Variants in CDH4 observed in about 807,000 individuals in gnomAD.
CDH4 encodes cadherin 4, also known as cadherin-4.
In CDH4, 33 loss-of-function variants were observed where a neutral mutation model predicts 86.0. That is an observed-to-expected ratio of 0.38 (90% confidence interval 0.29 to 0.51). CDH4 has a LOEUF of 0.51. CDH4 is among the 20% of genes least tolerant of loss of function. The pLI is 0.86. For missense variants in CDH4, 1,114 were observed against 1,307.4 expected (o/e 0.85, Z 2.28); for synonymous variants, 555 against 549.4 (o/e 1.01, Z -0.14).
intron 2 of CDH4, among the ~76,000 whole-genome samples, chr20:61,667,713 G>A (rs1203005583): frequency 2.0e-5 from 3 of 152,176 alleles, no homozygotes; most frequent in Non-Finnish European, 4.4e-5. Context: ...AAGGGGTCGG[G>A]CTGGACTCGG....
chr20:61,707,045 G>T (rs868885), intron 2 of CDH4, among the ~76,000 whole-genome samples: 2 of 152,172 alleles, frequency 1.3e-5, no homozygotes, highest in Non-Finnish European at 1.5e-5. Context: ...CTTCCGTGGC[G>T]GTACTCTCTC....
Position 61,504,021 on chromosome 20 carries a change from C to T in CDH4, c.170-239542C>T, listed in dbSNP as rs570984087. Among the ~76,000 whole-genome samples the T allele has an allele frequency of 7.9e-5, 12 of 152,354 alleles. 1 individual carries two copies. In the South Asian group the frequency reaches 2.3e-3, roughly 29 times the overall value. On this transcript the variant is annotated intron_variant, in intron 2 of 15. Coordinates refer to ENST00000614565, the MANE Select transcript of CDH4 (RefSeq NM_001794.5). ...GCCAGAGATACGCCCCCATCCCACT[C>T]GCCATCCCTAGACCACAGCAGCCTT... is the stretch of plus-strand genomic sequence containing the variant.
At chr20:61,924,223 G>C in intron 10 of CDH4, 111 bp from the exon 11 acceptor site, 4 of 1,113,056 alleles carry the variant, frequency 3.6e-6, no homozygotes, top group Non-Finnish European at 5.1e-6. Context: ...CAAGGAGACA[G>C]AGACACTGGC....
intron 8 of CDH4, among the ~76,000 whole-genome samples, chr20:61,897,146 C>T (rs935649876): frequency 6.6e-6 from 1 of 152,156 alleles, no homozygotes; most frequent in Admixed American, 6.5e-5. Flanking sequence ...CCTCTGTGTC[C>T]CCATGAACGA....
intron 2 of CDH4, among the ~76,000 whole-genome samples, chr20:61,459,459 C>T (rs1273026937): frequency 1.4e-5 from 2 of 145,712 alleles, no homozygotes; most frequent in South Asian, 2.4e-4. Flanking sequence ...TGTAGGGAGC[C>T]AGGGGTGCCT....
chr20:61,326,728 C>T lies in CDH4; in HGVS notation c.169+71791C>T, dbSNP rs2084538902. ...ATTCCACAGGACACAGCCTCTCCCA[C>T]ACCAGGTCACATCAATTGGTATCAA... is the stretch of plus-strand genomic sequence containing the variant. On this transcript the variant is annotated intron_variant, in intron 2 of 15. Transcript: ENST00000614565. Among the ~76,000 whole-genome samples the T allele has an allele frequency of 3.3e-5, 5 of 152,224 alleles. No homozygotes were observed. In the South Asian group the frequency reaches 1.0e-3, roughly 32 times the overall value.
At chr20:61,494,757 A>T (rs2085647911) in intron 2 of CDH4, among the ~76,000 whole-genome samples, 1 of 152,218 alleles carries the variant, frequency 6.6e-6, no homozygotes, top group African/African-American at 2.4e-5. Flanking sequence ...ACTTATTGAA[A>T]ACTGGCGTTA....
chr20:61,366,024 A>C (rs1289931696), intron 2 of CDH4, among the ~76,000 whole-genome samples: 1 of 152,170 alleles, frequency 6.6e-6, no homozygotes, highest in Admixed American at 6.5e-5. Flanking sequence ...CCAGAGCCCA[A>C]GTTTTGGGGA....
At chr20:61,925,348 A>G (rs1270807481) in intron 11 of CDH4, among the ~76,000 whole-genome samples, 2 of 152,184 alleles carry the variant, frequency 1.3e-5, no homozygotes, top group African/African-American at 2.4e-5. Context: ...GGAACCGAAG[A>G]TCAGTCCAGT....
At chr20:61,605,252 G>A (rs137946433) in intron 2 of CDH4, among the ~76,000 whole-genome samples, 1,702 of 152,232 alleles carry the variant, frequency 0.011, 17 homozygotes, top group African/African-American at 0.029. Flanking sequence ...CAGGGGTGAC[G>A]AAGGCCCCTC....
chr20:61,743,771 C>G lies in CDH4; in HGVS notation c.378C>G (p.Ser126=). The change falls in exon 3 of 16, where the codon TCC becomes TCG. Residue 126 remains serine, a synonymous_variant. Transcript: ENST00000614565. ...VVRLLVAQTS[S]PHSGHKPQKG... is the part of the protein sequence containing the mutation. ...GGTTGCTGGTGGCCCAGACCTCGTC[C>G]CCGCACTCTGGACACAAGGTAAGGT... 3 of 1,603,154 alleles carry G rather than the reference C, an allele frequency of 1.9e-6. No individual in the cohort carries two copies. The highest frequency in any genetic ancestry group is 2.6e-6 in the Non-Finnish European group (3 of 1,175,294).
At chr20:61,315,498 G>A (rs2084471473) in intron 2 of CDH4, among the ~76,000 whole-genome samples, 2 of 152,120 alleles carry the variant, frequency 1.3e-5, no homozygotes, top group African/African-American at 4.8e-5. Context: ...GTGTAGCCAG[G>A]TTTCTGTCTC....
chr20:61,848,364 CTTCTTTTGTTT>C (rs1982554584), intron 5 of CDH4, among the ~76,000 whole-genome samples: 1 of 152,314 alleles, frequency 6.6e-6, no homozygotes, highest in Non-Finnish European at 1.5e-5. Flanking sequence ...GTTGCCTTCC[CTTCTTTTGTTT>C]TTCTTTTGTT....
chr20:61,631,891 T>C (rs1271701914), intron 2 of CDH4, among the ~76,000 whole-genome samples: 1 of 152,244 alleles, frequency 6.6e-6, no homozygotes, highest in African/African-American at 2.4e-5. Context: ...CCCTTGCAAC[T>C]GCAGACCACA....
At chr20:61,345,536 G>GTTTTA (rs2084673978) in intron 2 of CDH4, among the ~76,000 whole-genome samples, 1 of 152,238 alleles carries the variant, frequency 6.6e-6, no homozygotes, top group Non-Finnish European at 1.5e-5. Context: ...AATACCCAGG[G>GTTTTA]TGGAAAATCT....
Position 61,811,154 on chromosome 20 carries a change from C to A in CDH4, c.577-33514C>A, listed in dbSNP as rs1980414709. Among the ~76,000 whole-genome samples, 1 of 152,134 alleles carries A rather than the reference C, an allele frequency of 6.6e-6. No individual in the cohort carries two copies. Among genetic ancestry groups the A allele is most frequent in the South Asian group, 2.1e-4 (1 of 4,820 alleles). Reference sequence around the variant, plus strand: ...CAACAGAAACCACATTTCCAAAAAACCAAACATCCCCAAACTCTTAGAGAA... The same window carrying A: ...CAACAGAAACCACATTTCCAAAAAAACAAACATCCCCAAACTCTTAGAGAA... On this transcript the variant is annotated intron_variant, in intron 4 of 15. Transcript: ENST00000614565. This position sits in a 1 kb window ranked among gnomAD's most constrained non-coding sequence, Gnocchi z 4.4.
intron 2 of CDH4, among the ~76,000 whole-genome samples, chr20:61,545,004 G>A (rs2086067499): frequency 6.6e-6 from 1 of 152,226 alleles, no homozygotes; most frequent in Non-Finnish European, 1.5e-5. Context: ...GGGGCCCCGA[G>A]TGGACAAACC....
At chr20:61,723,635 C>G (rs2088069660) in intron 2 of CDH4, among the ~76,000 whole-genome samples, 1 of 152,210 alleles carries the variant, frequency 6.6e-6, no homozygotes, top group Non-Finnish European at 1.5e-5. Flanking sequence ...GCACCTGGGA[C>G]AAGAGGGCTG....
At chr20:61,848,595 G>A (rs1465620378) in intron 5 of CDH4, among the ~76,000 whole-genome samples, 3 of 152,034 alleles carry the variant, frequency 2.0e-5, no homozygotes, top group African/African-American at 2.4e-5. Context: ...GTACTATCTC[G>A]GCTCACTGCA....
Sources: gnomAD v4.1 joint callset for allele counts (sites outside exome capture counted in the v4.1 genomes callset) on GRCh38, gnomAD v4.1.1 for gene constraint, Gnocchi (gnomAD v3.1) non-coding constraint, MANE v1.5 for transcripts, NCBI Gene and HGNC (gene_info 2026-07-23, HGNC 2026-07-21) for gene names.